The following CSMD1 variants were observed in gnomAD, a reference collection of about 807,000 sequenced individuals.
CSMD1 encodes the protein CUB and sushi domain-containing protein 1.
A neutral mutation model predicts 417.5 loss-of-function variants in CSMD1; 213 were observed. The ratio of observed to expected loss-of-function variants is 0.51; its 90% CI spans 0.46 to 0.57. CSMD1 has a LOEUF of 0.57. Ranked by LOEUF, CSMD1 falls within the 20% of genes least tolerant of loss-of-function variation. The probability of loss-of-function intolerance (pLI) is 0.00; values close to 1 mark genes in which losing one functional copy is unlikely to be tolerated. For missense variants in CSMD1, 6,923 were observed against 4,529.7 expected (o/e 1.53, Z -15.17); for synonymous variants, 2,862 against 1,736.8 (o/e 1.65, Z -16.11).
At chr8:4,656,862 C>T (rs1049026579) in intron 1 of CSMD1, among the ~76,000 whole-genome samples, 7 of 152,058 alleles carry the variant, frequency 4.6e-5, no homozygotes, top group African/African-American at 1.7e-4. Flanking sequence ...CAGAGACCAC[C>T]AAATCAGCAG....
Position 2,961,155 on chromosome 8 carries a change from A to G in CSMD1, c.9688T>C (p.Ser3230Pro). Residue 3230 changes from serine (S) to proline (P), a missense_variant, in exon 62 of 70, where the codon TCC becomes CCC. Coordinates refer to ENST00000635120, the MANE Select transcript of CSMD1 (RefSeq NM_033225.6). ...TAATGAACTACCTCATAGCCTCTGG[A>G]GCTATTCTGTATTCCAAAGTGTGGC... ...GTPHFGIQNS[S>P]RGYEVGSTVF... The G allele has an allele frequency of 1.9e-6, 3 of 1,594,792 alleles. No homozygotes were observed. Among genetic ancestry groups the G allele is most frequent in the Non-Finnish European group, 2.6e-6 (3 of 1,166,548 alleles).
intron 2 of CSMD1, among the ~76,000 whole-genome samples, chr8:4,594,892 G>C (rs374748280): frequency 1.3e-5 from 2 of 152,094 alleles, no homozygotes; most frequent in African/African-American, 4.8e-5. Flanking sequence ...CTCTGTAAAA[G>C]GAATGTGGAT....
intron 3 of CSMD1, among the ~76,000 whole-genome samples, chr8:4,324,415 C>T (rs1444736137): frequency 6.6e-6 from 1 of 152,182 alleles, no homozygotes; most frequent in Non-Finnish European, 1.5e-5. Flanking sequence ...CTCACCCTGG[C>T]AGGAAAGCTA....
intron 7 of CSMD1, among the ~76,000 whole-genome samples, chr8:3,684,300 A>G (rs1799825996): frequency 6.9e-6 from 1 of 144,868 alleles, no homozygotes; most frequent in Admixed American, 7.2e-5. Flanking sequence ...TATATAAATT[A>G]TATATTATAT....
intron 3 of CSMD1, among the ~76,000 whole-genome samples, chr8:4,071,275 A>G (rs970760330): frequency 3.3e-5 from 5 of 151,944 alleles, no homozygotes; most frequent in Middle Eastern, 3.4e-3. Flanking sequence ...TGCTTGTTAT[A>G]TTTTTTCAGT....
At chr8:4,890,290 C>G (rs751249759) in intron 1 of CSMD1, among the ~76,000 whole-genome samples, 2 of 152,098 alleles carry the variant, frequency 1.3e-5, no homozygotes, top group Non-Finnish European at 2.9e-5. Flanking sequence ...ATGCAAATGT[C>G]TACGAAGTAA....
intron 3 of CSMD1, among the ~76,000 whole-genome samples, chr8:4,396,825 A>G (rs1804258268): frequency 6.6e-6 from 1 of 152,076 alleles, no homozygotes; most frequent in Non-Finnish European, 1.5e-5. Flanking sequence ...AGTGGGAGCT[A>G]AGCTATGAGC....
At chr8:4,032,166 TAAAAC>T in intron 3 of CSMD1, 67 bp from the exon 4 acceptor site, 1 of 1,117,164 alleles carries the variant, frequency 9.0e-7, no homozygotes, top group Non-Finnish European at 1.3e-6. Flanking sequence ...ACTTATAAGA[TAAAAC>T]AGACACCATT....
chr8:3,902,212 C>G (rs1053952487), intron 5 of CSMD1, among the ~76,000 whole-genome samples: 1 of 152,162 alleles, frequency 6.6e-6, no homozygotes, highest in African/African-American at 2.4e-5. Context: ...TCAGCATTTT[C>G]TATGATTTTC....
rs10644122 is a variant in CSMD1, at chr8:3,161,624, G to GAAA, written c.5844+532_5844+534dup. 7.4e-4 allele frequency among the ~76,000 whole-genome samples: 43 copies of GAAA among 58,178 alleles called. 1 individual carries two copies. The highest frequency in any genetic ancestry group is 1.5e-3 in the African/African-American group (26 of 17,728). 38.2% of individuals were successfully genotyped at this position (58,178 alleles called of 152,430 possible). A position where few individuals can be genotyped will look rare whatever the true frequency, so the allele number is the denominator to read the frequency against. On this transcript the variant is annotated intron_variant, in intron 38 of 69. Coordinates refer to ENST00000635120, the MANE Select transcript of CSMD1 (RefSeq NM_033225.6). ...GGTGACAGAGCGAGACTCCCTCTCA[G>GAAA]AAAAAAAAAAAAAAAAAAAAACCCT...
intron 2 of CSMD1, among the ~76,000 whole-genome samples, chr8:4,571,231 G>A (rs896226986): frequency 6.6e-6 from 1 of 152,160 alleles, no homozygotes; most frequent in Non-Finnish European, 1.5e-5. Flanking sequence ...CAGTTGTGAT[G>A]TTAGGGCATC....
chr8:3,826,350 T>A (rs1585052932), intron 5 of CSMD1, among the ~76,000 whole-genome samples: 1 of 152,138 alleles, frequency 6.6e-6, no homozygotes, highest in Non-Finnish European at 1.5e-5. Context: ...TGTTTGGGTT[T>A]GAAAATTGCC....
chr8:3,922,934 G>A (rs548305177), intron 5 of CSMD1, among the ~76,000 whole-genome samples: 2 of 152,092 alleles, frequency 1.3e-5, no homozygotes, highest in Non-Finnish European at 2.9e-5. Flanking sequence ...AACAAATACC[G>A]AAACAGATTG....
intron 1 of CSMD1, among the ~76,000 whole-genome samples, chr8:4,856,059 G>A (rs1161200535): frequency 6.6e-6 from 1 of 152,168 alleles, no homozygotes; most frequent in African/African-American, 2.4e-5. Context: ...GAGTAACAGC[G>A]GATCTCTCGA....
chr8:3,467,205 T>C (rs1281359928), intron 12 of CSMD1, among the ~76,000 whole-genome samples: 2 of 152,224 alleles, frequency 1.3e-5, no homozygotes, highest in Non-Finnish European at 2.9e-5. Flanking sequence ...TGTCTCTTCA[T>C]AGTCAAGGAT....
At position 4,574,340 on chromosome 8, in the gene CSMD1, C is replaced by T. The variant is rs556371005; in HGVS notation, c.302+63002G>A. Reference sequence around the variant, plus strand: ...TGGGCTGGATAGCACCATCCCTCAACGGCGTAGTCCTTCACGGCTTCCCTT... The same window carrying T: ...TGGGCTGGATAGCACCATCCCTCAATGGCGTAGTCCTTCACGGCTTCCCTT... On this transcript the variant is annotated intron_variant, in intron 2 of 69. Transcript: ENST00000635120. Among the ~76,000 whole-genome samples, 139 of 152,280 alleles carry T rather than the reference C, an allele frequency of 9.1e-4. 1 individual carries two copies. The highest frequency in any genetic ancestry group is 3.1e-3 in the South Asian group (15 of 4,826).
At chr8:4,919,641 C>T (rs755326522) in intron 1 of CSMD1, among the ~76,000 whole-genome samples, 5 of 152,124 alleles carry the variant, frequency 3.3e-5, no homozygotes, top group Non-Finnish European at 5.9e-5. Context: ...GTTTTAATAT[C>T]GATACTCCAG....
intron 18 of CSMD1, among the ~76,000 whole-genome samples, chr8:3,382,725 T>A (rs1415354325): frequency 2.0e-5 from 3 of 151,210 alleles, no homozygotes; most frequent in African/African-American, 7.3e-5. Flanking sequence ...TCTTCTCTCT[T>A]CCAGTAGCAG....
intron 5 of CSMD1, among the ~76,000 whole-genome samples, chr8:3,984,516 A>G (rs1237274407): frequency 1.3e-5 from 2 of 151,952 alleles, no homozygotes; most frequent in African/African-American, 2.4e-5. Context: ...TCCAGCAGTA[A>G]TAAGTACACT....
Sources: gnomAD v4.1 joint callset for allele counts (sites outside exome capture counted in the v4.1 genomes callset) on GRCh38, gnomAD v4.1.1 for gene constraint, MANE v1.5 for transcripts, NCBI Gene and HGNC (gene_info 2026-07-23, HGNC 2026-07-21) for gene names.